The following ADAM19 variants were observed in gnomAD, a reference collection of about 807,000 sequenced individuals.
ADAM19 encodes the protein disintegrin and metalloproteinase domain-containing protein 19.
ADAM19 carries 65 observed loss-of-function variants against 114.7 expected under a neutral mutation model. The observed-to-expected ratio is 0.57, with a 90% CI of 0.46 to 0.70. The LOEUF is 0.70. Among genes scored for constraint, ADAM19 ranks in the 30% least tolerant of loss-of-function variants. The pLI is 0.00. For missense variants in ADAM19, 1,063 were observed against 1,204.7 expected (o/e 0.88, Z 1.74); for synonymous variants, 466 against 460.5 (o/e 1.01, Z -0.15).
intron 9 of ADAM19, among the ~76,000 whole-genome samples, chr5:157,508,597 CAAAA>C (rs1755818799): frequency 7.0e-6 from 1 of 142,900 alleles, no homozygotes. Context: ...GAAACTGTCT[CAAAA>C]AAGAAAAAAA....
chr5:157,560,036 C>T (rs571828740), intron 3 of ADAM19, among the ~76,000 whole-genome samples: 3 of 151,906 alleles, frequency 2.0e-5, no homozygotes, highest in East Asian at 3.9e-4. Flanking sequence ...GAGGCCGAGG[C>T]GGGCGGATCA....
chr5:157,480,118 C>A lies in ADAM19; in HGVS notation c.*831G>T, dbSNP rs1035073730. On this transcript the variant is annotated 3_prime_UTR_variant, in exon 23 of 23. Coordinates refer to ENST00000257527, the MANE Select transcript of ADAM19 (RefSeq NM_033274.5). ...TGAGGGTTTGCTCACCAAAGCACCACACATTAGAGGGAGAATGAGAGGGGA... is the reference window on the plus strand; with the variant it reads ...TGAGGGTTTGCTCACCAAAGCACCAAACATTAGAGGGAGAATGAGAGGGGA... The A allele has an allele frequency of 4.1e-6, 4 of 985,946 alleles. No homozygotes were observed. Among genetic ancestry groups the A allele is most frequent in the Middle Eastern group, 5.2e-4 (1 of 1,914 alleles). 61.1% of individuals were successfully genotyped at this position (985,946 alleles called of 1,614,324 possible).
In ADAM19 at chr5:157,498,688, G is replaced by GTATATATATATATATA. The variant is rs55867903; in HGVS notation, c.1398+869_1398+884dup. Among the ~76,000 whole-genome samples the GTATATATATATATATA allele has an allele frequency of 1.3e-3, 192 of 143,860 alleles. 3 individuals are homozygous for GTATATATATATATATA. In the East Asian group the frequency reaches 0.027, roughly 21 times the overall value. 94.4% of individuals were successfully genotyped at this position (143,860 alleles called of 152,430 possible). A position where few individuals can be genotyped will look rare whatever the true frequency, so the allele number is the denominator to read the frequency against. ...CATATATAATTACACATGTGTGTAT[G>GTATATATATATATATA]TATATATATATATATATATATATGG... is the stretch of plus-strand genomic sequence containing the variant. On this transcript the variant is annotated intron_variant, in intron 13 of 22. Coordinates refer to ENST00000257527, the MANE Select transcript of ADAM19 (RefSeq NM_033274.5).
chr5:157,539,547 T>C (rs1410158711), intron 3 of ADAM19, among the ~76,000 whole-genome samples: 2 of 152,172 alleles, frequency 1.3e-5, no homozygotes, highest in Non-Finnish European at 2.9e-5. Flanking sequence ...ACAAGAATTG[T>C]CTCCTGTACT....
chr5:157,498,649 T>G (rs1348272834), intron 13 of ADAM19, among the ~76,000 whole-genome samples: 1 of 149,782 alleles, frequency 6.7e-6, no homozygotes, highest in Non-Finnish European at 1.5e-5. Context: ...TAGGTCCATA[T>G]GTACATGTGT....
At chr5:157,525,719 T>C (rs527617586) in intron 5 of ADAM19, among the ~76,000 whole-genome samples, 1 of 152,304 alleles carries the variant, frequency 6.6e-6, no homozygotes, top group Non-Finnish European at 1.5e-5. Flanking sequence ...CCAGGAAGTA[T>C]GTAGCTAGAT....
intron 4 of ADAM19, among the ~76,000 whole-genome samples, chr5:157,535,734 T>C (rs1407947059): frequency 6.6e-6 from 1 of 152,244 alleles, no homozygotes; most frequent in Non-Finnish European, 1.5e-5. Context: ...CATGAAGTCA[T>C]TGCATTCCTC....
chr5:157,542,667 T>C (rs922340342), intron 3 of ADAM19, among the ~76,000 whole-genome samples: 10 of 151,864 alleles, frequency 6.6e-5, no homozygotes, highest in African/African-American at 2.4e-4. Flanking sequence ...TAGCCAGGTG[T>C]GGTGGCGCGC....
chr5:157,531,711 GA>G (rs1756629949), intron 4 of ADAM19, among the ~76,000 whole-genome samples: 1 of 151,462 alleles, frequency 6.6e-6, no homozygotes, highest in Non-Finnish European at 1.5e-5. Flanking sequence ...TGCTGAATTA[GA>G]GAAGGTCCTA....
chr5:157,538,054 A>G (rs1320682930), intron 3 of ADAM19, 63 bp from the exon 4 acceptor site: 22 of 1,378,430 alleles, frequency 1.6e-5, no homozygotes, highest in Non-Finnish European at 2.3e-5. Flanking sequence ...CCTAGCAACA[A>G]CGAGTGATTT....
intron 4 of ADAM19, 59 bp downstream of exon 4, chr5:157,537,854 C>T: frequency 2.0e-6 from 3 of 1,485,168 alleles, no homozygotes; most frequent in East Asian, 2.3e-5. Flanking sequence ...TCCTGAGGTC[C>T]TAGGAGTAGG....
intron 5 of ADAM19, among the ~76,000 whole-genome samples, chr5:157,521,994 A>G (rs948977045): frequency 6.6e-6 from 1 of 152,216 alleles, no homozygotes; most frequent in Admixed American, 6.5e-5. Flanking sequence ...GTTCCAATGG[A>G]GGTTCACAAG....
chr5:157,575,509 C>A, intron 1 of ADAM19, 94 bp downstream of exon 1: 1 of 930,772 alleles, frequency 1.1e-6, no homozygotes, highest in Non-Finnish European at 1.5e-6. Flanking sequence ...TTGCGGGAGG[C>A]GCAGGGGTCG....
chr5:157,528,051 T>C (rs1756522254), intron 5 of ADAM19, among the ~76,000 whole-genome samples: 1 of 152,078 alleles, frequency 6.6e-6, no homozygotes, highest in Admixed American at 6.5e-5. Flanking sequence ...ACTATGGAGA[T>C]TTTTCACTGC....
chr5:157,499,784 T>C (rs1755498101), intron 12 of ADAM19, 122 bp from the exon 13 acceptor site: 3 of 661,286 alleles, frequency 4.5e-6, no homozygotes, highest in Admixed American at 2.9e-5. Flanking sequence ...TTTTTTTTTT[T>C]TTTTTTTTTT....
chr5:157,512,363 G>A (rs1454334761), intron 8 of ADAM19, among the ~76,000 whole-genome samples: 1 of 152,092 alleles, frequency 6.6e-6, no homozygotes, highest in African/African-American at 2.4e-5. Context: ...CTAGTGTTTA[G>A]GAAAAAATGA....
intron 19 of ADAM19, 105 bp downstream of exon 19, chr5:157,490,205 C>A (rs1443210362): frequency 2.3e-6 from 3 of 1,320,266 alleles, no homozygotes; most frequent in Non-Finnish European, 3.2e-6. Context: ...CACTTGTCTT[C>A]CCTGAATTAG....
At chr5:157,554,548 A>T (rs1757312172) in intron 3 of ADAM19, among the ~76,000 whole-genome samples, 1 of 152,172 alleles carries the variant, frequency 6.6e-6, no homozygotes, top group South Asian at 2.1e-4. Flanking sequence ...TTCGAGATAC[A>T]ATTAGGTCAA....
intron 3 of ADAM19, among the ~76,000 whole-genome samples, chr5:157,540,000 G>A (rs540783145): frequency 5.9e-5 from 9 of 152,296 alleles, no homozygotes; most frequent in South Asian, 4.1e-4. Context: ...CTGCCTCTAC[G>A]GCCGTGAACA....
Sources: gnomAD v4.1 joint callset for allele counts (sites outside exome capture counted in the v4.1 genomes callset) on GRCh38, gnomAD v4.1.1 for gene constraint, MANE v1.5 for transcripts, NCBI Gene and HGNC (gene_info 2026-07-23, HGNC 2026-07-21) for gene names.